PTPRK: variants seen among roughly 807,000 people sequenced by gnomAD.
The protein encoded by PTPRK is protein tyrosine phosphatase receptor type K, also known as receptor-type tyrosine-protein phosphatase kappa.
PTPRK carries 75 observed loss-of-function variants against 178.0 expected under a neutral mutation model. That is an observed-to-expected ratio of 0.42 (90% confidence interval 0.35 to 0.51). PTPRK has a LOEUF of 0.51. Ranked by LOEUF, PTPRK falls within the 20% of genes least tolerant of loss-of-function variation. The pLI is 0.02. For synonymous variants in PTPRK, 637 were observed against 620.6 expected, an observed-to-expected ratio of 1.03 and a Z score of -0.39; for missense variants, 1,441 against 1,797.8, an observed-to-expected ratio of 0.80 and a Z score of 3.59.
At chr6:128,106,894 A>C (rs1789808985) in intron 7 of PTPRK, among the ~76,000 whole-genome samples, 1 of 152,142 alleles carries the variant, frequency 6.6e-6, no homozygotes, top group African/African-American at 2.4e-5. Flanking sequence ...CTTTCTTGGA[A>C]TATTTTAGTA....
chr6:128,365,179 G>A (rs558449542), intron 2 of PTPRK, among the ~76,000 whole-genome samples: 45 of 152,148 alleles, frequency 3.0e-4, no homozygotes, highest in African/African-American at 9.4e-4. Context: ...ACAACACAAA[G>A]TAGATGTGAA....
rs572359694 is a variant in PTPRK, at chr6:128,203,038, T to C, written c.868+15884A>G. On this transcript the variant is annotated intron_variant, in intron 6 of 29. Coordinates refer to ENST00000368226, the MANE Select transcript of PTPRK (RefSeq NM_002844.4). ...TACTGTTAAACCGAATCCAGCAGCA[T>C]ATCAAAAAGCTTATCCACCATGATC... 3.4e-3 allele frequency among the ~76,000 whole-genome samples: 514 copies of C among 152,238 alleles called. 1 individual carries two copies. The highest frequency in any genetic ancestry group is 0.012 in the African/African-American group (491 of 41,534).
intron 15 of PTPRK, chr6:128,000,223 G>C: frequency 8.9e-7 from 1 of 1,124,134 alleles, no homozygotes; most frequent in Non-Finnish European, 1.1e-6. Flanking sequence ...TTAATTAACA[G>C]ATAAACATAT....
At chr6:128,490,396 C>T (rs949456394) in intron 1 of PTPRK, among the ~76,000 whole-genome samples, 4 of 152,270 alleles carry the variant, frequency 2.6e-5, no homozygotes, top group Admixed American at 2.6e-4. Flanking sequence ...ATCATTCCTA[C>T]ATAGTATAGC....
chr6:128,510,979 G>A (rs564891106), intron 1 of PTPRK, among the ~76,000 whole-genome samples: 2 of 152,068 alleles, frequency 1.3e-5, no homozygotes, highest in East Asian at 1.9e-4. Context: ...GGCAACTTAC[G>A]TCAAATGAAG....
Position 128,355,959 on chromosome 6 carries a change from G to T in PTPRK, c.224-33649C>A, listed in dbSNP as rs375346072. Among the ~76,000 whole-genome samples the T allele has an allele frequency of 3.9e-3, 588 of 152,240 alleles. 3 individuals are homozygous for T. Among genetic ancestry groups the T allele is most frequent in the African/African-American group, 0.013 (549 of 41,534 alleles). On this transcript the variant is annotated intron_variant, in intron 2 of 29. Transcript: ENST00000368226. ...TTTCAACCCATCCTTTTCTGAAATT[G>T]TTAAAAATCAGTGAGACAATTAAAA...
chr6:128,497,245 A>G (rs943802639), intron 1 of PTPRK, among the ~76,000 whole-genome samples: 1 of 152,156 alleles, frequency 6.6e-6, no homozygotes, highest in African/African-American at 2.4e-5. Context: ...GAAGAGGAGG[A>G]AAAAAATAAC....
At chr6:128,263,924 G>T (rs1818559864) in intron 3 of PTPRK, among the ~76,000 whole-genome samples, 1 of 152,184 alleles carries the variant, frequency 6.6e-6, no homozygotes, top group Admixed American at 6.5e-5. Flanking sequence ...GGAAAGGCCA[G>T]AGTAGTGAAC....
At chr6:128,177,425 AAAAC>A (rs948214970) in intron 7 of PTPRK, among the ~76,000 whole-genome samples, 8 of 151,996 alleles carry the variant, frequency 5.3e-5, no homozygotes, top group East Asian at 3.9e-4. Context: ...AAATTCAATA[AAAAC>A]AAACAAAGCC....
chr6:128,262,215 G>T (rs998213719), intron 3 of PTPRK, among the ~76,000 whole-genome samples: 7 of 152,132 alleles, frequency 4.6e-5, no homozygotes, highest in African/African-American at 1.7e-4. Flanking sequence ...CCAATTTTAT[G>T]TAGTTTCCAA....
At chr6:128,507,715 C>G (rs2128441232) in intron 1 of PTPRK, among the ~76,000 whole-genome samples, 1 of 152,234 alleles carries the variant, frequency 6.6e-6, no homozygotes, top group African/African-American at 2.4e-5. Flanking sequence ...GATTCTGCAG[C>G]CAAACAACCA....
intron 1 of PTPRK, among the ~76,000 whole-genome samples, chr6:128,438,300 C>T (rs1224757122): frequency 6.6e-6 from 1 of 152,202 alleles, no homozygotes; most frequent in Non-Finnish European, 1.5e-5. Flanking sequence ...TGGATGCCAA[C>T]CCTTGGCTCT....
At chr6:128,233,903 T>C (rs1259081686) in intron 5 of PTPRK, among the ~76,000 whole-genome samples, 2 of 152,214 alleles carry the variant, frequency 1.3e-5, no homozygotes, top group African/African-American at 4.8e-5. Flanking sequence ...AATTCAATGA[T>C]GCAGGCCTGC....
intron 1 of PTPRK, among the ~76,000 whole-genome samples, chr6:128,461,013 A>G (rs1848985957): frequency 1.3e-5 from 2 of 152,188 alleles, no homozygotes; most frequent in African/African-American, 4.8e-5. Context: ...GAAGAATAGT[A>G]AAAGAAAAAA....
At chr6:128,143,925 T>C (rs1191383529) in intron 7 of PTPRK, among the ~76,000 whole-genome samples, 2 of 152,198 alleles carry the variant, frequency 1.3e-5, no homozygotes, top group Non-Finnish European at 1.5e-5. Context: ...CTAGTTCACA[T>C]TCAATTTTTG....
chr6:128,057,414 G>A (rs1177680542), intron 13 of PTPRK, among the ~76,000 whole-genome samples: 1 of 152,150 alleles, frequency 6.6e-6, no homozygotes, highest in Non-Finnish European at 1.5e-5. Context: ...CCTAAATTGT[G>A]CAAATAATGT....
At chr6:127,984,967 T>G (rs1207194758) in intron 22 of PTPRK, among the ~76,000 whole-genome samples, 1 of 152,170 alleles carries the variant, frequency 6.6e-6, no homozygotes, top group African/African-American at 2.4e-5. Context: ...CTGAATAGGT[T>G]GGATTTTCAG....
rs1196169100 is a variant in PTPRK at position 128,037,036 on chromosome 6, C to T, written c.2194+27722G>A. ...CACAAGCCGCCGCTCCCCGCCCTCC[C>T]TAACTCATTCTTTTAGTTGTGCTTG... On this transcript the variant is annotated intron_variant, in intron 13 of 29. Transcript: ENST00000368226. Among the ~76,000 whole-genome samples the T allele has an allele frequency of 3.3e-5, 5 of 152,056 alleles. No homozygotes were observed. In the South Asian group the frequency reaches 8.3e-4, roughly 25 times the overall value.
chr6:128,308,646 A>G (rs1826797168), intron 3 of PTPRK, among the ~76,000 whole-genome samples: 1 of 152,150 alleles, frequency 6.6e-6, no homozygotes, highest in African/African-American at 2.4e-5. Context: ...TCATCAGAAG[A>G]CAGCAATTTT....
Sources: allele counts gnomAD v4.1 joint callset (sites outside exome capture counted in the v4.1 genomes callset), GRCh38; gene constraint gnomAD v4.1.1; transcripts MANE v1.5; gene names NCBI Gene and HGNC (gene_info 2026-07-23, HGNC 2026-07-21).